Variants in RNGTT observed in about 807,000 individuals in gnomAD.
The protein encoded by RNGTT is mRNA-capping enzyme.
In RNGTT, 33 loss-of-function variants were observed where a neutral mutation model predicts 79.3. That is an observed-to-expected ratio of 0.42 (90% confidence interval 0.32 to 0.56). The LOEUF (loss-of-function observed/expected upper bound fraction) is 0.56, where lower values mean the gene tolerates loss of function less well. Ranked by LOEUF, RNGTT falls within the 20% of genes least tolerant of loss-of-function variation. The pLI is 0.17. For missense variants in RNGTT, 497 were observed against 739.1 expected, an observed-to-expected ratio of 0.67 and a Z score of 3.80; for synonymous variants, 222 against 235.9, an observed-to-expected ratio of 0.94 and a Z score of 0.54.
intron 8 of RNGTT, among the ~76,000 whole-genome samples, chr6:88,858,750 C>T (rs180879018): frequency 4.5e-4 from 68 of 152,236 alleles, no homozygotes; most frequent in African/African-American, 1.6e-3. Context: ...CTACAGTATA[C>T]TAACCCTCAC....
chr6:88,692,878 C>G (rs1240939956), intron 13 of RNGTT, among the ~76,000 whole-genome samples: 1 of 151,832 alleles, frequency 6.6e-6, no homozygotes, highest in African/African-American at 2.4e-5. Flanking sequence ...TGTTCACAGA[C>G]CATACAGCGA....
intron 11 of RNGTT, among the ~76,000 whole-genome samples, chr6:88,838,047 CA>C (rs1170682596): frequency 1.3e-5 from 2 of 152,012 alleles, no homozygotes; most frequent in Non-Finnish European, 2.9e-5. Flanking sequence ...CAAGCAATAA[CA>C]AAAGTAAGAG....
intron 11 of RNGTT, among the ~76,000 whole-genome samples, chr6:88,842,177 ATAAATCAGACATCC>A (rs1781314985): frequency 6.6e-6 from 1 of 152,238 alleles, no homozygotes; most frequent in Non-Finnish European, 1.5e-5. Flanking sequence ...GGTGGGTTCA[ATAAATCAGACATCC>A]TAACACATAA....
At chr6:88,807,164 G>C (rs568286486) in intron 11 of RNGTT, among the ~76,000 whole-genome samples, 1 of 152,140 alleles carries the variant, frequency 6.6e-6, no homozygotes, top group Admixed American at 6.6e-5. Context: ...GTGACGGCAT[G>C]ATCTGTGCAG....
intron 9 of RNGTT, among the ~76,000 whole-genome samples, chr6:88,852,743 T>G (rs1199009840): frequency 6.6e-6 from 1 of 152,186 alleles, no homozygotes; most frequent in Non-Finnish European, 1.5e-5. Flanking sequence ...ACTTGGTCAC[T>G]TGTACGGACA....
At chr6:88,804,458 C>T (rs1779892861) in intron 11 of RNGTT, among the ~76,000 whole-genome samples, 1 of 152,144 alleles carries the variant, frequency 6.6e-6, no homozygotes, top group Non-Finnish European at 1.5e-5. Context: ...ACCTGGCCAA[C>T]ACAGCAAGAC....
At chr6:88,704,259 C>CAA (rs35623392) in intron 13 of RNGTT, among the ~76,000 whole-genome samples, 6,069 of 48,618 alleles carry the variant, frequency 0.12, 1,470 homozygotes, top group Non-Finnish European at 0.19. Context: ...GACTCTGTCT[C>CAA]AAAAAAAAAA....
At chr6:88,719,535 C>T (rs781327771) in intron 13 of RNGTT, among the ~76,000 whole-genome samples, 20 of 152,150 alleles carry the variant, frequency 1.3e-4, no homozygotes, top group Non-Finnish European at 2.5e-4. Context: ...TAATCCTTTA[C>T]ATTTGTAATA....
intron 11 of RNGTT, among the ~76,000 whole-genome samples, chr6:88,833,720 T>C (rs1381294551): frequency 2.0e-5 from 3 of 152,132 alleles, no homozygotes; most frequent in Admixed American, 6.5e-5. Flanking sequence ...CTTAATTATT[T>C]TGGAGGCCAA....
chr6:88,709,651 A>G (rs1416610809), intron 13 of RNGTT, among the ~76,000 whole-genome samples: 1 of 152,246 alleles, frequency 6.6e-6, no homozygotes, highest in South Asian at 2.1e-4. Flanking sequence ...ATAGCAATAC[A>G]TATCAGTTAT....
intron 8 of RNGTT, among the ~76,000 whole-genome samples, chr6:88,860,858 T>C (rs1781993438): frequency 6.6e-6 from 1 of 151,818 alleles, no homozygotes; most frequent in South Asian, 2.1e-4. Context: ...GGGTTTTTTG[T>C]TGTTGTTGTT....
intron 12 of RNGTT, among the ~76,000 whole-genome samples, chr6:88,785,455 T>A (rs927843945): frequency 6.6e-6 from 1 of 152,062 alleles, no homozygotes; most frequent in Non-Finnish European, 1.5e-5. Context: ...CAAAGCAAGC[T>A]AAGAATATTT....
intron 2 of RNGTT, among the ~76,000 whole-genome samples, chr6:88,939,769 CTTTT>C (rs59080248): frequency 6.7e-6 from 1 of 149,472 alleles, no homozygotes; most frequent in Non-Finnish European, 1.5e-5. Context: ...CTCACTTCTC[CTTTT>C]TTTTTGAGAC....
intron 1 of RNGTT, among the ~76,000 whole-genome samples, chr6:88,961,440 C>CTT (rs1269934487): frequency 6.9e-6 from 1 of 144,702 alleles, no homozygotes. Context: ...GTACAAATTA[C>CTT]TTTTTTTTTT....
chr6:88,931,195 A>G, intron 2 of RNGTT, among the ~76,000 whole-genome samples: 1 of 150,840 alleles, frequency 6.6e-6, no homozygotes, highest in East Asian at 1.9e-4. Context: ...TGTAAAAAAA[A>G]AAAAAAAAAA....
chr6:88,784,104 A>C, intron 12 of RNGTT, among the ~76,000 whole-genome samples: 1 of 152,208 alleles, frequency 6.6e-6, no homozygotes, highest in South Asian at 2.1e-4. Flanking sequence ...AAAAGATAAA[A>C]ACAAATTTCC....
chr6:88,919,697 G>A (rs1171413829), intron 4 of RNGTT, among the ~76,000 whole-genome samples: 2 of 140,862 alleles, frequency 1.4e-5, no homozygotes, highest in African/African-American at 5.4e-5. Flanking sequence ...GTCTAATTAG[G>A]TCAGTAGTTC....
rs143458047 is a variant in RNGTT at position 88,668,147 on chromosome 6, C to T, written c.1506+10206G>A. Among the ~76,000 whole-genome samples, 5 of 152,248 alleles carry T rather than the reference C, an allele frequency of 3.3e-5. No homozygotes were observed. The East Asian group carries it at 9.7e-4, about 29-fold the overall frequency. On this transcript the variant is annotated intron_variant, in intron 14 of 15. Coordinates refer to ENST00000369485, the MANE Select transcript of RNGTT (RefSeq NM_003800.5). ...AGTTTACCCTTTCTCCCCAGGTGAT[C>T]GAGTGTGGATCAAAGACTGGAACAT...
chr6:88,617,420 C>A (rs772635688), intron 14 of RNGTT, among the ~76,000 whole-genome samples: 3 of 152,196 alleles, frequency 2.0e-5, no homozygotes, highest in Non-Finnish European at 4.4e-5. Flanking sequence ...TTTCCCAACA[C>A]TGTTAGTTGA....
Sources: gnomAD v4.1 joint callset for allele counts (sites outside exome capture counted in the v4.1 genomes callset) on GRCh38, gnomAD v4.1.1 for gene constraint, MANE v1.5 for transcripts, NCBI Gene and HGNC (gene_info 2026-07-23, HGNC 2026-07-21) for gene names.